QRICH1: variants seen among roughly 807,000 people sequenced by gnomAD.
QRICH1 encodes transcriptional regulator QRICH1.
Under a neutral mutation model 87.1 loss-of-function variants are expected in QRICH1, and 16 were observed. The ratio of observed to expected loss-of-function variants is 0.18; its 90% CI spans 0.12 to 0.28. The LOEUF (loss-of-function observed/expected upper bound fraction) is 0.28, where lower values mean the gene tolerates loss of function less well. Among genes scored for constraint, QRICH1 ranks in the 10% least tolerant of loss-of-function variants. The pLI is 1.00. For missense variants in QRICH1, 647 were observed against 951.7 expected (o/e 0.68, Z 4.21); for synonymous variants, 367 against 368.4 (o/e 1.00, Z 0.05).
chr3:49,036,810 C>A (rs537720293), intron 6 of QRICH1, among the ~76,000 whole-genome samples: 133 of 151,944 alleles, frequency 8.8e-4, no homozygotes, highest in Non-Finnish European at 1.6e-3. Context: ...TGCCTGTAAT[C>A]CCAGTACTTT....
chr3:49,032,156 G>A (rs963378007), intron 9 of QRICH1, 27 bp downstream of exon 9: 2 of 1,548,594 alleles, frequency 1.3e-6, no homozygotes, highest in African/African-American at 1.4e-5. Context: ...GCGCACACAT[G>A]GACAGCAAGT....
At chr3:49,032,828 A>C in intron 7 of QRICH1, 55 bp from the exon 8 acceptor site, 1 of 1,550,592 alleles carries the variant, frequency 6.4e-7, no homozygotes, top group Non-Finnish European at 8.7e-7. Flanking sequence ...GGATACCATG[A>C]CTCATCCTCT....
chr3:49,035,649 A>T (rs1221034630), intron 6 of QRICH1, among the ~76,000 whole-genome samples: 3 of 143,546 alleles, frequency 2.1e-5, no homozygotes, highest in African/African-American at 7.8e-5. Flanking sequence ...CAAAAACCTT[A>T]AAAAAAAAAA....
intron 8 of QRICH1, 132 bp downstream of exon 8, chr3:49,032,490 G>A: frequency 1.6e-6 from 2 of 1,236,240 alleles, no homozygotes; most frequent in Non-Finnish European, 2.2e-6. Context: ...TTTTTGGCTG[G>A]GGAGAAGGGA....
At chr3:49,067,563 G>A (rs914186284) in intron 2 of QRICH1, among the ~76,000 whole-genome samples, 17 of 150,426 alleles carry the variant, frequency 1.1e-4, no homozygotes, top group African/African-American at 3.4e-4. Context: ...GCAAAACTCT[G>A]TCTCGAAAAA....
intron 2 of QRICH1, among the ~76,000 whole-genome samples, chr3:49,073,519 G>A (rs2041885868): frequency 6.7e-6 from 1 of 149,292 alleles, no homozygotes. Flanking sequence ...CAGCCTGGGT[G>A]ACACAGTGGG....
At chr3:49,084,577 A>G (rs1405275615) in intron 1 of QRICH1, among the ~76,000 whole-genome samples, 1 of 152,144 alleles carries the variant, frequency 6.6e-6, no homozygotes, top group Non-Finnish European at 1.5e-5. Flanking sequence ...CAGCCTGGCC[A>G]ACATGGTGAA....
At chr3:49,034,281 G>C (rs985987490) in intron 6 of QRICH1, among the ~76,000 whole-genome samples, 3 of 151,378 alleles carry the variant, frequency 2.0e-5, no homozygotes, top group Non-Finnish European at 2.9e-5. Flanking sequence ...CATCTCCACT[G>C]AAAATCAAAA....
At chr3:49,037,134 A>C (rs967858959) in intron 6 of QRICH1, among the ~76,000 whole-genome samples, 1 of 152,006 alleles carries the variant, frequency 6.6e-6, no homozygotes, top group Non-Finnish European at 1.5e-5. Context: ...TTATGAAGTA[A>C]TAATAACATT....
At chr3:49,068,511 G>T (rs2106947180) in intron 2 of QRICH1, among the ~76,000 whole-genome samples, 1 of 150,534 alleles carries the variant, frequency 6.6e-6, no homozygotes, top group Admixed American at 6.6e-5. Context: ...TGTAGTCCAA[G>T]CTACTCAGGA....
chr3:49,057,830 T>C lies in QRICH1; in HGVS notation c.370A>G (p.Thr124Ala). 1 of 1,613,492 alleles carries C rather than the reference T, an allele frequency of 6.2e-7. No homozygotes were observed. The change falls in exon 3 of 10, where the codon ACC (threonine) becomes GCC (alanine). Residue 124 changes from threonine to alanine, a missense_variant. This residue lies in a region of QRICH1 where 156 missense variants were observed against 164.5 expected (regional missense o/e 0.95). Transcript: ENST00000395443. This position sits in a 1 kb window ranked among gnomAD's most constrained non-coding sequence, Gnocchi z 5.4. ...QVSAQLSPQL[T>A]VHQPTEQPIQ... ...GGTTGCTCAGTAGGCTGGTGAACGG[T>C]GAGTTGTGGGGAGAGCTGAGCCGAG...
At chr3:49,051,917 T>C (rs1462007391) in intron 3 of QRICH1, among the ~76,000 whole-genome samples, 1 of 152,166 alleles carries the variant, frequency 6.6e-6, no homozygotes, top group Non-Finnish European at 1.5e-5. Context: ...TCCAAATGTC[T>C]ATCAGTGGGT....
chr3:49,074,741 G>A (rs1412088064), intron 2 of QRICH1, among the ~76,000 whole-genome samples: 1 of 151,928 alleles, frequency 6.6e-6, no homozygotes, highest in African/African-American at 2.4e-5. Flanking sequence ...CACTTTGGGA[G>A]GCCGAGGCAG....
intron 3 of QRICH1, among the ~76,000 whole-genome samples, chr3:49,049,533 T>A (rs1021705747): frequency 5.3e-5 from 8 of 152,112 alleles, no homozygotes; most frequent in African/African-American, 1.9e-4. Flanking sequence ...AGTCTTGCTC[T>A]ACCACCCAGG....
chr3:49,069,101 A>ATTTTTTTTTT (rs1340493320), intron 2 of QRICH1, among the ~76,000 whole-genome samples: 2 of 87,398 alleles, frequency 2.3e-5, no homozygotes, highest in African/African-American at 5.1e-5. Flanking sequence ...TATTATTATT[A>ATTTTTTTTTT]TTATTATTTT....
At chr3:49,043,128 A>G (rs1289202557) in intron 6 of QRICH1, among the ~76,000 whole-genome samples, 1 of 152,200 alleles carries the variant, frequency 6.6e-6, no homozygotes, top group East Asian at 1.9e-4. Flanking sequence ...GTGAGGGTAT[A>G]TACTTAAGGA....
intron 1 of QRICH1, among the ~76,000 whole-genome samples, chr3:49,082,854 C>T (rs2107014319): frequency 6.7e-6 from 1 of 148,392 alleles, no homozygotes; most frequent in Admixed American, 6.8e-5. Flanking sequence ...GAGACCACAC[C>T]ACTGCACTCC....
chr3:49,034,627 G>A (rs751477167), intron 6 of QRICH1, among the ~76,000 whole-genome samples: 5 of 151,998 alleles, frequency 3.3e-5, no homozygotes, highest in Non-Finnish European at 5.9e-5. Flanking sequence ...GCCAGTATTT[G>A]AACTATTACA....
At chr3:49,087,657 C>G (rs1209275913) in intron 1 of QRICH1, among the ~76,000 whole-genome samples, 1 of 150,688 alleles carries the variant, frequency 6.6e-6, no homozygotes, top group Non-Finnish European at 1.5e-5. Flanking sequence ...GGGCATATCA[C>G]GAGGTCAGGA....
Sources: gnomAD v4.1 joint callset for allele counts (sites outside exome capture counted in the v4.1 genomes callset) on GRCh38, gnomAD v4.1.1 for gene constraint, gnomAD v4.1.1 regional missense constraint, Gnocchi (gnomAD v3.1) non-coding constraint, MANE v1.5 for transcripts, NCBI Gene and HGNC (gene_info 2026-07-23, HGNC 2026-07-21) for gene names.